AGTPBP1: variants seen among roughly 807,000 people sequenced by gnomAD.
The protein encoded by AGTPBP1 is cytosolic carboxypeptidase 1.
Under a neutral mutation model 143.9 loss-of-function variants are expected in AGTPBP1, and 70 were observed. That is an observed-to-expected ratio of 0.49 (90% CI 0.40 to 0.59). The LOEUF (loss-of-function observed/expected upper bound fraction) is 0.59. Ranked by LOEUF, AGTPBP1 falls within the 20% of genes least tolerant of loss-of-function variation. The probability of loss-of-function intolerance (pLI) is 0.00; values close to 1 mark genes in which losing one functional copy is unlikely to be tolerated. For missense variants in AGTPBP1, 1,229 were observed against 1,464.5 expected (o/e 0.84, Z 2.62); for synonymous variants, 463 against 500.2 (o/e 0.93, Z 0.99).
chr9:85,719,168 T>C (rs1246630791), intron 1 of AGTPBP1, among the ~76,000 whole-genome samples: 2 of 152,196 alleles, frequency 1.3e-5, no homozygotes, highest in Non-Finnish European at 2.9e-5. Flanking sequence ...TGGTTCCATA[T>C]GAACTTTAGA....
intron 17 of AGTPBP1, among the ~76,000 whole-genome samples, chr9:85,606,201 T>G (rs1004001328): frequency 6.6e-6 from 1 of 151,658 alleles, no homozygotes; most frequent in Non-Finnish European, 1.5e-5. Flanking sequence ...AACAACTCAA[T>G]AGTAAAAAAT....
intron 6 of AGTPBP1, among the ~76,000 whole-genome samples, chr9:85,676,440 T>C (rs1469445951): frequency 6.6e-6 from 1 of 151,840 alleles, no homozygotes; most frequent in Non-Finnish European, 1.5e-5. Context: ...GCAATGGGTA[T>C]AGATAAAAAC....
intron 23 of AGTPBP1, among the ~76,000 whole-genome samples, chr9:85,581,746 T>C (rs1020094291): frequency 1.3e-5 from 2 of 152,238 alleles, no homozygotes; most frequent in African/African-American, 4.8e-5. Flanking sequence ...CATCATATGC[T>C]ATGACGTTCA....
the AGTPBP1 span, chr9:85,770,255 T>G: frequency 2.8e-6 from 4 of 1,406,094 alleles, no homozygotes; most frequent in African/African-American, 5.7e-5. Context: ...ACTATTTCAT[T>G]TAAAATGAGT....
At chr9:85,594,382 G>A (rs1407674845) in intron 18 of AGTPBP1, among the ~76,000 whole-genome samples, 2 of 152,106 alleles carry the variant, frequency 1.3e-5, no homozygotes, top group African/African-American at 2.4e-5. Context: ...ACTTTGGGAG[G>A]CTGAGGCAGA....
intron 2 of AGTPBP1, among the ~76,000 whole-genome samples, chr9:85,709,101 T>A (rs541512389): frequency 1.3e-5 from 2 of 152,148 alleles, no homozygotes; most frequent in African/African-American, 4.8e-5. Flanking sequence ...TCCAAAAATA[T>A]ATGAAAAGGA....
chr9:85,758,951 A>T, the AGTPBP1 span, among the ~76,000 whole-genome samples: 8 of 152,194 alleles, frequency 5.3e-5, no homozygotes, highest in African/African-American at 1.9e-4. Context: ...GGAAAACAAA[A>T]AAAGGCAGGG....
intron 13 of AGTPBP1, among the ~76,000 whole-genome samples, chr9:85,638,178 C>G (rs1336648103): frequency 1.3e-5 from 2 of 151,886 alleles, no homozygotes; most frequent in African/African-American, 4.8e-5. Context: ...TTAGAATACT[C>G]GAAGTTTCCA....
At chr9:85,763,657 G>C in the AGTPBP1 span, among the ~76,000 whole-genome samples, 1 of 151,972 alleles carries the variant, frequency 6.6e-6, no homozygotes, top group East Asian at 1.9e-4. Context: ...GTAGGTATAA[G>C]AGTGCTAAAT....
the AGTPBP1 span, among the ~76,000 whole-genome samples, chr9:85,802,846 T>C: frequency 3.3e-5 from 5 of 152,132 alleles, no homozygotes; most frequent in African/African-American, 7.2e-5. Flanking sequence ...GAAAGGAAAA[T>C]GTATGAAAGA....
At chr9:85,759,051 A>C in the AGTPBP1 span, among the ~76,000 whole-genome samples, 7 of 152,224 alleles carry the variant, frequency 4.6e-5, no homozygotes, top group African/African-American at 1.4e-4. Flanking sequence ...TAAAGGGATC[A>C]ATTCAACAAG....
At chr9:85,692,327 G>A (rs1409414398) in intron 3 of AGTPBP1, among the ~76,000 whole-genome samples, 2 of 149,874 alleles carry the variant, frequency 1.3e-5, no homozygotes, top group Non-Finnish European at 3.0e-5. Context: ...AGGCTGGAGT[G>A]CAGTGGCACG....
At position 85,632,821 on chromosome 9, in the gene AGTPBP1, G is replaced by A. The variant is rs751120221; in HGVS notation, c.1856C>T (p.Pro619Leu). The change falls in exon 14 of 26, where the codon CCT (proline) becomes CTT (leucine). Residue 619 changes from proline to leucine, a missense_variant. Pro to Leu is a moderately conservative substitution (Grantham distance 98). Coordinates refer to ENST00000357081, the MANE Select transcript of AGTPBP1 (RefSeq NM_001330701.2). Reference sequence around the variant, plus strand: ...TGGGTCATGGAGTGTTGGTCCATCAGGTACTTCAACCGATGCTTGTTCTAC... The same window carrying A: ...TGGGTCATGGAGTGTTGGTCCATCAAGTACTTCAACCGATGCTTGTTCTAC... ...SSVEQASVEV[P>L]DGPTLHDPDL... 5.0e-6 allele frequency: 8 copies of A among 1,614,008 alleles called. No homozygotes were observed. In the East Asian group the frequency reaches 1.8e-4, roughly 36 times the overall value.
At chr9:85,623,891 T>C (rs1831107009) in intron 14 of AGTPBP1, among the ~76,000 whole-genome samples, 1 of 152,108 alleles carries the variant, frequency 6.6e-6, no homozygotes, top group South Asian at 2.1e-4. Context: ...GGCTTTCCAG[T>C]CAAAACAAAT....
At chr9:85,600,027 G>C (rs1210834154) in intron 17 of AGTPBP1, among the ~76,000 whole-genome samples, 1 of 152,150 alleles carries the variant, frequency 6.6e-6, no homozygotes, top group East Asian at 1.9e-4. Flanking sequence ...CAACCTCACT[G>C]GGTTGTTTGT....
At chr9:85,585,680 G>A (rs1269164632) in intron 22 of AGTPBP1, 86 bp from the exon 23 acceptor site, 10 of 1,074,854 alleles carry the variant, frequency 9.3e-6, no homozygotes, top group Middle Eastern at 2.8e-4. Context: ...CAATAAACAT[G>A]TAGGTCTGTG....
In AGTPBP1 at chr9:85,580,519, T is replaced by C. The variant is rs377548444; in HGVS notation, c.3166-1423A>G. Among the ~76,000 whole-genome samples the C allele has an allele frequency of 1.1e-4, 17 of 152,200 alleles. No individual in the cohort carries two copies. The East Asian group carries it at 1.4e-3, about 12-fold the overall frequency. The stretch of plus-strand genomic sequence containing the variant: ...AAGCAGAAAATAGGAGAAAAGACTA[T>C]TTTAAAAGACACAGATCATAATTGA... On this transcript the variant is annotated intron_variant, in intron 23 of 25. Transcript: ENST00000357081.
At chr9:85,717,773 C>T (rs1587968313) in intron 1 of AGTPBP1, among the ~76,000 whole-genome samples, 1 of 151,868 alleles carries the variant, frequency 6.6e-6, no homozygotes, top group African/African-American at 2.4e-5. Context: ...TGGTTTGCCA[C>T]ACCCATCAAC....
intron 14 of AGTPBP1, among the ~76,000 whole-genome samples, chr9:85,624,340 A>T (rs1436561571): frequency 6.6e-6 from 1 of 152,194 alleles, no homozygotes; most frequent in Non-Finnish European, 1.5e-5. Flanking sequence ...GCCATTTACC[A>T]GTAGTGTAAC....
Sources: gnomAD v4.1 joint callset for allele counts (sites outside exome capture counted in the v4.1 genomes callset) on GRCh38, gnomAD v4.1.1 for gene constraint, MANE v1.5 for transcripts, NCBI Gene and HGNC (gene_info 2026-07-23, HGNC 2026-07-21) for gene names.